MARCHF4: variants seen among roughly 807,000 people sequenced by gnomAD.
The protein encoded by MARCHF4 is membrane associated ring-CH-type finger 4, also known as E3 ubiquitin-protein ligase MARCHF4.
MARCHF4 carries 14 observed loss-of-function variants against 43.9 expected under a neutral mutation model. The observed-to-expected ratio is 0.32, with a 90% CI of 0.21 to 0.50. MARCHF4 has a LOEUF of 0.50. MARCHF4 is among the 20% of genes least tolerant of loss of function. MARCHF4 has a pLI of 0.98. For synonymous variants in MARCHF4, 226 were observed against 213.3 expected, an observed-to-expected ratio of 1.06 and a Z score of -0.52; for missense variants, 468 against 536.7, an observed-to-expected ratio of 0.87 and a Z score of 1.27.
chr2:216,269,875 C>A (rs1559281981), intron 3 of MARCHF4, among the ~76,000 whole-genome samples: 1 of 152,146 alleles, frequency 6.6e-6, no homozygotes, highest in African/African-American at 2.4e-5. Context: ...TGACTCAGTC[C>A]TTCCTATTGT....
chr2:216,264,167 G>A (rs1441983622), intron 3 of MARCHF4, among the ~76,000 whole-genome samples: 5 of 152,112 alleles, frequency 3.3e-5, no homozygotes, highest in African/African-American at 7.2e-5. Context: ...ATCATGCCTC[G>A]CTCAACAAGT....
At chr2:216,352,316 C>T (rs1204561811) in intron 1 of MARCHF4, among the ~76,000 whole-genome samples, 1 of 152,194 alleles carries the variant, frequency 6.6e-6, no homozygotes, top group East Asian at 1.9e-4. Context: ...TGGGTTAGGC[C>T]AGGGCCTGCA....
intron 3 of MARCHF4, among the ~76,000 whole-genome samples, chr2:216,263,501 G>A (rs1690781105): frequency 7.1e-6 from 1 of 140,554 alleles, no homozygotes; most frequent in Non-Finnish European, 1.5e-5. Flanking sequence ...GAAAGAGAGA[G>A]AGAGAGAGAG....
In MARCHF4 at chr2:216,259,352, C is replaced by T. The variant is rs1690702216; in HGVS notation, c.1193G>A (p.Gly398Asp). The T allele has an allele frequency of 6.3e-7, 1 of 1,583,572 alleles. No individual in the cohort carries two copies. Among genetic ancestry groups the T allele is most frequent in the African/African-American group, 1.3e-5 (1 of 74,306 alleles). Reference sequence around the variant, plus strand: ...TCTCATGACCAGCTCTCGGCTGCTGCCTGGGGGACTTCGCTGTTCATGAGG... The same window carrying T: ...TCTCATGACCAGCTCTCGGCTGCTGTCTGGGGGACTTCGCTGTTCATGAGG... The part of the protein sequence containing the change: ...LRPHEQRSPP[G>D]SSRELVMRVT... Residue 398 changes from glycine to aspartate, a missense_variant, in exon 4 of 4, where the codon GGC becomes GAC. By Grantham distance (94) the Gly-to-Asp change is moderately conservative. Around this residue, in one of 3 missense-constraint regions of MARCHF4, gnomAD observed 120 missense variants for 127.1 expected, o/e 0.94. Coordinates refer to ENST00000273067, the MANE Select transcript of MARCHF4 (RefSeq NM_020814.3).
intron 3 of MARCHF4, 106 bp downstream of exon 3, chr2:216,277,566 G>T: frequency 1.7e-6 from 2 of 1,207,126 alleles, no homozygotes; most frequent in Non-Finnish European, 2.3e-6. Flanking sequence ...CTCAAGCCTG[G>T]GGCCATATCT....
At chr2:216,317,140 T>C (rs1251367437) in intron 1 of MARCHF4, among the ~76,000 whole-genome samples, 4 of 152,166 alleles carry the variant, frequency 2.6e-5, no homozygotes, top group African/African-American at 7.2e-5. Context: ...AGCCATACTC[T>C]TTCATTGGCG....
chr2:216,315,486 TA>T (rs1691758978), intron 1 of MARCHF4, among the ~76,000 whole-genome samples: 1 of 152,238 alleles, frequency 6.6e-6, no homozygotes, highest in Admixed American at 6.5e-5. Context: ...TTCATTATAC[TA>T]TATTCTATTA....
chr2:216,260,917 C>G (rs1690733422), intron 3 of MARCHF4, among the ~76,000 whole-genome samples: 1 of 152,174 alleles, frequency 6.6e-6, no homozygotes, highest in Non-Finnish European at 1.5e-5. Context: ...CAGTGAGAAA[C>G]TGCTGGAGTC....
At chr2:216,301,173 T>A (rs1212689642) in intron 1 of MARCHF4, among the ~76,000 whole-genome samples, 1 of 152,274 alleles carries the variant, frequency 6.6e-6, no homozygotes, top group East Asian at 1.9e-4. Flanking sequence ...GAAGAGTTGG[T>A]CTGCTCCCCC....
intron 1 of MARCHF4, among the ~76,000 whole-genome samples, chr2:216,306,186 C>T (rs1009137891): frequency 3.3e-5 from 5 of 151,158 alleles, no homozygotes; most frequent in African/African-American, 1.2e-4. Flanking sequence ...GATAAACTCT[C>T]ATTGACAATC....
intron 1 of MARCHF4, among the ~76,000 whole-genome samples, chr2:216,308,053 C>T (rs1291259406): frequency 6.6e-6 from 1 of 151,994 alleles, no homozygotes; most frequent in Non-Finnish European, 1.5e-5. Flanking sequence ...GAGACCCTAT[C>T]TCAAGAAAAC....
intron 1 of MARCHF4, among the ~76,000 whole-genome samples, chr2:216,369,543 C>T (rs953529023): frequency 6.6e-6 from 1 of 152,202 alleles, no homozygotes; most frequent in Admixed American, 6.5e-5. Context: ...ACCTAGAACA[C>T]AAACGAACCA....
chr2:216,266,684 C>A (rs926789510), intron 3 of MARCHF4, among the ~76,000 whole-genome samples: 4 of 152,182 alleles, frequency 2.6e-5, no homozygotes, highest in African/African-American at 9.7e-5. Context: ...CATTGCCAAC[C>A]ACCCATCTTC....
chr2:216,332,114 G>C (rs931125484), intron 1 of MARCHF4, among the ~76,000 whole-genome samples: 2 of 152,248 alleles, frequency 1.3e-5, no homozygotes, highest in South Asian at 2.1e-4. Flanking sequence ...TTTGGGGCCG[G>C]GCACAGTGGC....
intron 1 of MARCHF4, among the ~76,000 whole-genome samples, chr2:216,287,949 G>A (rs1691243694): frequency 6.6e-6 from 1 of 151,988 alleles, no homozygotes. Flanking sequence ...CCTCCTCAAG[G>A]GTAATTGTAA....
chr2:216,323,732 A>G (rs1271924080), intron 1 of MARCHF4, among the ~76,000 whole-genome samples: 6 of 152,144 alleles, frequency 3.9e-5, no homozygotes, highest in Admixed American at 6.5e-5. Flanking sequence ...ATAATGAAAT[A>G]AAGGCAGAAA....
intron 3 of MARCHF4, among the ~76,000 whole-genome samples, chr2:216,274,492 C>T (rs1012173015): frequency 3.3e-5 from 5 of 152,134 alleles, no homozygotes; most frequent in Non-Finnish European, 7.4e-5. Context: ...CAGTGTGATG[C>T]GTTTTCCCTC....
intron 2 of MARCHF4, 76 bp from the exon 3 acceptor site, chr2:216,277,940 C>T: frequency 7.5e-7 from 1 of 1,330,936 alleles, no homozygotes; most frequent in East Asian, 2.4e-5. Flanking sequence ...CTGTCTGCTG[C>T]TCCAACAGCT....
At chr2:216,353,283 A>G (rs1054720966) in intron 1 of MARCHF4, among the ~76,000 whole-genome samples, 1 of 152,012 alleles carries the variant, frequency 6.6e-6, no homozygotes, top group Non-Finnish European at 1.5e-5. Flanking sequence ...TTAACCATAA[A>G]CTCCCACCCA....
Sources: gnomAD v4.1 joint callset for allele counts (sites outside exome capture counted in the v4.1 genomes callset) on GRCh38, gnomAD v4.1.1 for gene constraint, gnomAD v4.1.1 regional missense constraint, MANE v1.5 for transcripts, NCBI Gene and HGNC (gene_info 2026-07-23, HGNC 2026-07-21) for gene names.